SLC39A11: variants seen among roughly 807,000 people sequenced by gnomAD.
The protein encoded by SLC39A11 is zinc transporter ZIP11.
SLC39A11 carries 33 observed loss-of-function variants against 36.1 expected under a neutral mutation model. The observed-to-expected ratio is 0.91, with a 90% CI of 0.69 to 1.22. The LOEUF is 1.22. Among genes scored for constraint, SLC39A11 ranks in the 50% most tolerant of loss-of-function variants. The probability of loss-of-function intolerance (pLI) is 0.00; values close to 1 mark genes in which losing one functional copy is unlikely to be tolerated. For missense variants in SLC39A11, 432 were observed against 430.3 expected (o/e 1.00, Z -0.03); for synonymous variants, 166 against 170.3 (o/e 0.97, Z 0.20).
At chr17:72,754,123 G>A (rs1248615410) in intron 6 of SLC39A11, among the ~76,000 whole-genome samples, 4 of 144,780 alleles carry the variant, frequency 2.8e-5, no homozygotes. Flanking sequence ...CCATAAAAAG[G>A]AATGAATTAA....
At chr17:72,665,192 G>A (rs745646616) in intron 7 of SLC39A11, among the ~76,000 whole-genome samples, 5 of 152,064 alleles carry the variant, frequency 3.3e-5, no homozygotes, top group Non-Finnish European at 7.4e-5. Flanking sequence ...CAACAGCCAT[G>A]GGAGTGCGCC....
intron 6 of SLC39A11, among the ~76,000 whole-genome samples, chr17:72,768,020 G>A (rs188062559): frequency 2.7e-4 from 41 of 152,216 alleles, no homozygotes; most frequent in Admixed American, 2.0e-3. Flanking sequence ...ATTGGTTGGG[G>A]CAGAGATGAA....
At chr17:72,726,555 G>T (rs1344374589) in intron 7 of SLC39A11, among the ~76,000 whole-genome samples, 1 of 152,106 alleles carries the variant, frequency 6.6e-6, no homozygotes, top group East Asian at 1.9e-4. Context: ...TGGAGCAAAA[G>T]TAGAGGGGCT....
chr17:72,807,620 A>G (rs76495931), intron 6 of SLC39A11, among the ~76,000 whole-genome samples: 14 of 152,328 alleles, frequency 9.2e-5, no homozygotes, highest in Non-Finnish European at 1.0e-4. Context: ...ACAAGAAGAT[A>G]TGATGAGTTT....
chr17:72,748,078 T>TTGGGA (rs2075011689), intron 6 of SLC39A11, among the ~76,000 whole-genome samples: 1 of 152,156 alleles, frequency 6.6e-6, no homozygotes, highest in Admixed American at 6.5e-5. Flanking sequence ...TCCCAGCACT[T>TTGGGA]TGGGAGGCCG....
At chr17:72,698,136 A>G (rs375103259) in intron 7 of SLC39A11, among the ~76,000 whole-genome samples, 77 of 152,280 alleles carry the variant, frequency 5.1e-4, no homozygotes, top group African/African-American at 1.8e-3. Context: ...GTACTTTTCT[A>G]TATGTGTCTC....
At chr17:72,653,983 A>G (rs1165112500) in intron 7 of SLC39A11, among the ~76,000 whole-genome samples, 1 of 152,200 alleles carries the variant, frequency 6.6e-6, no homozygotes, top group Non-Finnish European at 1.5e-5. Context: ...AAATCTAGCT[A>G]CAGATGTTTA....
intron 4 of SLC39A11, among the ~76,000 whole-genome samples, chr17:73,000,361 A>C (rs1341047538): frequency 2.1e-5 from 3 of 140,924 alleles, no homozygotes; most frequent in African/African-American, 8.0e-5. Flanking sequence ...CCTCCTCCTC[A>C]TCCTCCTCCT....
intron 6 of SLC39A11, among the ~76,000 whole-genome samples, chr17:72,746,269 C>T (rs2074931706): frequency 6.6e-6 from 1 of 152,138 alleles, no homozygotes; most frequent in South Asian, 2.1e-4. Flanking sequence ...CAAGGCTGAA[C>T]ATCCACATGT....
intron 7 of SLC39A11, among the ~76,000 whole-genome samples, chr17:72,671,703 A>G (rs545624801): frequency 6.7e-6 from 1 of 149,940 alleles, no homozygotes; most frequent in East Asian, 2.0e-4. Flanking sequence ...CCTGGGCAGC[A>G]AGAGCAAAAC....
intron 5 of SLC39A11, among the ~76,000 whole-genome samples, chr17:72,906,982 C>T (rs145746349): frequency 2.8e-4 from 42 of 152,324 alleles, no homozygotes; most frequent in Middle Eastern, 3.4e-3. Flanking sequence ...AAGGCTCCAA[C>T]AGCCAATTCC....
intron 4 of SLC39A11, among the ~76,000 whole-genome samples, chr17:72,987,566 TG>T (rs570837929): frequency 2.2e-3 from 331 of 152,334 alleles, no homozygotes; most frequent in African/African-American, 7.6e-3. Context: ...TGTTAAAATA[TG>T]CTCCCCATTC....
At chr17:72,713,337 T>A (rs1351388516) in intron 7 of SLC39A11, among the ~76,000 whole-genome samples, 1 of 152,160 alleles carries the variant, frequency 6.6e-6, no homozygotes, top group African/African-American at 2.4e-5. Context: ...ACAAAGGCCC[T>A]TGGTCACCTT....
chr17:73,041,727 C>T (rs1372899487), intron 3 of SLC39A11, among the ~76,000 whole-genome samples: 3 of 152,246 alleles, frequency 2.0e-5, no homozygotes, highest in Admixed American at 1.3e-4. Flanking sequence ...ATAACCTTAA[C>T]ACCCACCTGG....
At chr17:72,797,463 A>G (rs544783014) in intron 6 of SLC39A11, among the ~76,000 whole-genome samples, 1 of 152,186 alleles carries the variant, frequency 6.6e-6, no homozygotes, top group Non-Finnish European at 1.5e-5. Context: ...GGCAAGAAGA[A>G]GGTAGCATTA....
intron 3 of SLC39A11, among the ~76,000 whole-genome samples, chr17:73,055,732 G>C (rs2059643916): frequency 6.6e-6 from 1 of 152,070 alleles, no homozygotes; most frequent in African/African-American, 2.4e-5. Context: ...CTCAACCTCT[G>C]AAAGTGCTGG....
At chr17:72,788,409 A>C (rs2076589108) in intron 6 of SLC39A11, among the ~76,000 whole-genome samples, 1 of 152,232 alleles carries the variant, frequency 6.6e-6, no homozygotes. Context: ...AGGGTCCCTG[A>C]AGATTAAGCT....
At chr17:72,991,812 T>C (rs1202073118) in intron 4 of SLC39A11, among the ~76,000 whole-genome samples, 1 of 152,240 alleles carries the variant, frequency 6.6e-6, no homozygotes, top group African/African-American at 2.4e-5. Flanking sequence ...CATGCAGGGT[T>C]CCCTGTGTAC....
At chr17:73,040,988 AAAAAAACAAAAAAC>A (rs71359753) in intron 3 of SLC39A11, among the ~76,000 whole-genome samples, 2 of 132,174 alleles carry the variant, frequency 1.5e-5, no homozygotes, top group South Asian at 4.6e-4. Flanking sequence ...CCATCTCAAA[AAAAAAACAAAAAAC>A]AAAAAACAAA....
Sources: allele counts gnomAD v4.1 joint callset (sites outside exome capture counted in the v4.1 genomes callset), GRCh38; gene constraint gnomAD v4.1.1; transcripts MANE v1.5; gene names NCBI Gene and HGNC (gene_info 2026-07-23, HGNC 2026-07-21).